The following NBEA variants were observed in gnomAD, a reference collection of about 807,000 sequenced individuals.
NBEA encodes the protein neurobeachin.
NBEA carries 44 observed loss-of-function variants against 343.4 expected under a neutral mutation model. The observed-to-expected ratio is 0.13, with a 90% CI of 0.10 to 0.16. The LOEUF is 0.16. NBEA is among the 10% of genes least tolerant of loss of function. NBEA has a pLI of 1.00. For missense variants in NBEA, 2,555 were observed against 3,631.3 expected (o/e 0.70, Z 7.62); for synonymous variants, 1,175 against 1,238.7 (o/e 0.95, Z 1.08).
At chr13:35,350,481 C>G (rs912989061) in intron 37 of NBEA, among the ~76,000 whole-genome samples, 4 of 151,898 alleles carry the variant, frequency 2.6e-5, no homozygotes, top group East Asian at 1.9e-4. Context: ...ATTTTTATCC[C>G]CCACCCGACA....
intron 33 of NBEA, among the ~76,000 whole-genome samples, chr13:35,232,001 T>A (rs898776812): frequency 6.6e-6 from 1 of 152,150 alleles, no homozygotes; most frequent in Non-Finnish European, 1.5e-5. Context: ...TAAATAGGCT[T>A]ATGAAATGGA....
At chr13:35,164,965 A>G in intron 24 of NBEA, 1 of 406,684 alleles carries the variant, frequency 2.5e-6, no homozygotes, top group East Asian at 6.9e-5. Flanking sequence ...TTAAAATAAA[A>G]TAGGTCAATG....
intron 38 of NBEA, among the ~76,000 whole-genome samples, chr13:35,421,314 A>G (rs560149684): frequency 4.0e-5 from 6 of 151,644 alleles, no homozygotes; most frequent in African/African-American, 1.2e-4. Context: ...TGATTTATCT[A>G]TGTTTCTTAG....
intron 11 of NBEA, among the ~76,000 whole-genome samples, chr13:35,102,436 A>G (rs1042146354): frequency 1.3e-5 from 2 of 151,632 alleles, no homozygotes; most frequent in African/African-American, 4.8e-5. Context: ...TCAGCTTATC[A>G]ACTTCCACCA....
At chr13:35,084,087 A>T (rs2152611135) in intron 10 of NBEA, among the ~76,000 whole-genome samples, 1 of 152,246 alleles carries the variant, frequency 6.6e-6, no homozygotes, top group African/African-American at 2.4e-5. Flanking sequence ...AAGTCCTTAG[A>T]GACCTAGAAA....
At chr13:35,499,457 A>G (rs1446223956) in intron 41 of NBEA, among the ~76,000 whole-genome samples, 1 of 152,012 alleles carries the variant, frequency 6.6e-6, no homozygotes, top group Non-Finnish European at 1.5e-5. Flanking sequence ...TCTCTTGATC[A>G]TGTTCAGCTG....
chr13:35,592,070 A>T (rs1211293539), intron 46 of NBEA, among the ~76,000 whole-genome samples: 1 of 152,114 alleles, frequency 6.6e-6, no homozygotes, highest in East Asian at 1.9e-4. Context: ...TCAAAAACAT[A>T]AGAACAACCT....
intron 45 of NBEA, among the ~76,000 whole-genome samples, chr13:35,571,060 A>G (rs2080387025): frequency 6.6e-6 from 1 of 152,200 alleles, no homozygotes; most frequent in South Asian, 2.1e-4. Flanking sequence ...CAACAAAAGT[A>G]GTTGTTTCTA....
At chr13:35,367,444 T>TCTATA (rs1326947765) in intron 38 of NBEA, among the ~76,000 whole-genome samples, 198 of 151,498 alleles carry the variant, frequency 1.3e-3, no homozygotes, top group African/African-American at 4.7e-3. Context: ...TTTCTTCTAT[T>TCTATA]TTAACAGGCT....
chr13:35,241,983 G>T (rs1006216550), intron 34 of NBEA, among the ~76,000 whole-genome samples: 1 of 151,768 alleles, frequency 6.6e-6, no homozygotes, highest in South Asian at 2.1e-4. Flanking sequence ...TTAAAAGCCC[G>T]AATTTTAACA....
chr13:35,577,767 T>C (rs2080817106), intron 45 of NBEA, among the ~76,000 whole-genome samples: 2 of 152,114 alleles, frequency 1.3e-5, no homozygotes, highest in African/African-American at 4.8e-5. Context: ...AGGGAGTTTC[T>C]TCGAAGGGCT....
chr13:35,609,532 T>C (rs1269504408), intron 48 of NBEA, among the ~76,000 whole-genome samples: 4 of 152,220 alleles, frequency 2.6e-5, no homozygotes, highest in African/African-American at 4.8e-5. Flanking sequence ...TTGTCTTAAG[T>C]TTCTAGTAGA....
intron 34 of NBEA, among the ~76,000 whole-genome samples, chr13:35,271,310 A>T (rs1462788110): frequency 1.3e-5 from 2 of 152,228 alleles, no homozygotes; most frequent in Non-Finnish European, 2.9e-5. Context: ...AATAACATCA[A>T]CGTAAACAAA....
Position 35,161,746 on chromosome 13 carries a change from T to C in NBEA, c.3862-4T>C, listed in dbSNP as rs751766304. Reference sequence around the variant, plus strand: ...CCACAAAAGTTCATCTTTTCCTTCTTTAGGCTGTGCAGGGTCGGTCTATCA... The same window carrying C: ...CCACAAAAGTTCATCTTTTCCTTCTCTAGGCTGTGCAGGGTCGGTCTATCA... On this transcript the variant is annotated splice_polypyrimidine_tract_variant and splice_region_variant and intron_variant, in intron 22 of 58. Coordinates refer to ENST00000379939, the MANE Select transcript of NBEA (RefSeq NM_001385012.1). 6.2e-7 allele frequency: 1 copy of C among 1,605,700 alleles called. No individual in the cohort carries two copies. The highest frequency in any genetic ancestry group is 8.5e-7 in the Non-Finnish European group (1 of 1,175,894).
At chr13:35,635,418 G>A (rs1279923982) in intron 49 of NBEA, among the ~76,000 whole-genome samples, 2 of 152,174 alleles carry the variant, frequency 1.3e-5, no homozygotes, top group Admixed American at 6.5e-5. Flanking sequence ...TGATCACAAA[G>A]TGGGTGATTA....
At chr13:35,488,621 A>C (rs1305772709) in intron 41 of NBEA, among the ~76,000 whole-genome samples, 2 of 151,976 alleles carry the variant, frequency 1.3e-5, no homozygotes, top group Non-Finnish European at 2.9e-5. Flanking sequence ...ATTGATCTAC[A>C]TATTTTAACC....
chr13:34,988,125 G>T (rs756979364), intron 1 of NBEA, among the ~76,000 whole-genome samples: 3 of 150,724 alleles, frequency 2.0e-5, no homozygotes, highest in African/African-American at 7.3e-5. Context: ...TGCAAATATT[G>T]CAGAACAGCA....
intron 34 of NBEA, among the ~76,000 whole-genome samples, chr13:35,289,036 G>A (rs1199453311): frequency 6.6e-6 from 1 of 151,864 alleles, no homozygotes; most frequent in Non-Finnish European, 1.5e-5. Context: ...AGCTTGTTCT[G>A]TCGGTCTGTA....
intron 1 of NBEA, among the ~76,000 whole-genome samples, chr13:34,988,392 C>G (rs890092547): frequency 6.6e-6 from 1 of 151,206 alleles, no homozygotes; most frequent in Non-Finnish European, 1.5e-5. Context: ...CTATGCCCTG[C>G]CCCCAGAGGT....
Sources: allele counts gnomAD v4.1 joint callset (sites outside exome capture counted in the v4.1 genomes callset), GRCh38; gene constraint gnomAD v4.1.1; transcripts MANE v1.5; gene names NCBI Gene and HGNC (gene_info 2026-07-23, HGNC 2026-07-21).